The following RRBP1 variants were observed in gnomAD, a reference collection of about 807,000 sequenced individuals.
RRBP1 encodes the protein ribosome binding protein 1, also known as ribosome-binding protein 1.
In RRBP1, 94 loss-of-function variants were observed where a neutral mutation model predicts 165.2. The ratio of observed to expected loss-of-function variants is 0.57; its 90% confidence interval spans 0.48 to 0.68. The LOEUF is 0.68. Ranked by LOEUF, RRBP1 falls within the 30% of genes least tolerant of loss-of-function variation. The pLI is 0.00. For missense variants in RRBP1, 1,676 were observed against 1,763.0 expected, an observed-to-expected ratio of 0.95 and a Z score of 0.88; for synonymous variants, 680 against 714.5, an observed-to-expected ratio of 0.95 and a Z score of 0.77.
intron 3 of RRBP1, among the ~76,000 whole-genome samples, chr20:17,651,646 C>A (rs1052188713): frequency 2.0e-5 from 3 of 152,172 alleles, no homozygotes; most frequent in Admixed American, 2.0e-4. Flanking sequence ...TGAATTTACC[C>A]CCCCGCCCCT....
At position 17,627,521 on chromosome 20, in the gene RRBP1, C is replaced by A; in HGVS notation, c.2911G>T (p.Asp971Tyr). 6.2e-7 allele frequency: 1 copy of A among 1,611,142 alleles called. No individual in the cohort carries two copies. The highest frequency in any genetic ancestry group is 1.1e-5 in the South Asian group (1 of 90,696). Residue 971 changes from aspartate to tyrosine, a missense_variant, in exon 10 of 25, where the codon GAT becomes TAT. By Grantham distance (160) the Asp-to-Tyr change is radical (BLOSUM62 -3). Transcript: ENST00000377813. ...AGGCTGACCTGGACGTCCTGGGCAT[C>A]CCGCGCCTGGCCCGCCTCCAGCAGG... ...EALLEAGQAR[D>Y]AQDVQASQAE...
intron 7 of RRBP1, among the ~76,000 whole-genome samples, chr20:17,635,107 G>A (rs1263176232): frequency 1.3e-5 from 2 of 152,138 alleles, no homozygotes; most frequent in African/African-American, 2.4e-5. Context: ...TGCCACTGAG[G>A]GTGTAATGCT....
Position 17,629,891 on chromosome 20 carries a change from G to A in RRBP1, c.2681C>T (p.Thr894Met), listed in dbSNP as rs369439106. The change falls in exon 9 of 25, where the codon ACG (threonine) becomes ATG (methionine). Residue 894 changes from threonine to methionine, a missense_variant. By Grantham distance (81) the Thr-to-Met change is moderately conservative (BLOSUM62 -1). Transcript: ENST00000377813. ...LDEVSRELCHTQSSHASLRAD... is the reference protein window; with the variant it reads ...LDEVSRELCHMQSSHASLRAD... Reference sequence around the variant, plus strand: ...CCGGAGGCTGGCGTGGCTGCTCTGCGTGTGGCACAGCTCCCGGCTGACCTC... The same window carrying A: ...CCGGAGGCTGGCGTGGCTGCTCTGCATGTGGCACAGCTCCCGGCTGACCTC... 2.5e-5 allele frequency: 40 copies of A among 1,600,362 alleles called. No individual in the cohort carries two copies. The African/African-American group carries it at 2.9e-4, about 12-fold the overall frequency.
chr20:17,663,101 T>C (rs375133975), intron 2 of RRBP1, among the ~76,000 whole-genome samples: 1 of 152,320 alleles, frequency 6.6e-6, no homozygotes, highest in African/African-American at 2.4e-5. Flanking sequence ...TGAGGCTCCA[T>C]AAACCCCGAA....
chr20:17,630,564 A>G (rs1194591879), intron 8 of RRBP1, among the ~76,000 whole-genome samples: 1 of 152,230 alleles, frequency 6.6e-6, no homozygotes, highest in African/African-American at 2.4e-5. Context: ...ACCCTTGTTT[A>G]GGAGCCACAC....
Position 17,635,605 on chromosome 20 carries a change from C to G in RRBP1, c.2397G>C (p.Gln799His). 2 of 1,613,522 alleles carry G rather than the reference C, an allele frequency of 1.2e-6. No individual in the cohort carries two copies. Among genetic ancestry groups the G allele is most frequent in the South Asian group, 2.2e-5 (2 of 91,002 alleles). ...CATCCCGCAGGATGGAGTTCTCCTG[C>G]TGCAGGCGGGCCAGCTGCGTGTTGG... ...NGPNTQLARL[Q>H]QENSILRDAL... is the part of the protein sequence containing the mutation. Residue 799 changes from glutamine to histidine, a missense_variant, in exon 7 of 25, where the codon CAG becomes CAC. Physicochemically the swap from Gln to His is conservative, Grantham distance 24 (BLOSUM62 0). Transcript: ENST00000377813.
rs760637299 is a variant in RRBP1, at chr20:17,628,984, C to T, written c.2749+839G>A. On this transcript the variant is annotated intron_variant, in intron 9 of 24. Transcript: ENST00000377813. ...AGAAGCATTCACCATCCATCCCCGA[C>T]AGAAACAGTTCACCCGGTGTTAACG... is the stretch of plus-strand genomic sequence containing the variant. 6.6e-5 allele frequency among the ~76,000 whole-genome samples: 10 copies of T among 151,970 alleles called. No homozygotes were observed. In the South Asian group the frequency reaches 2.1e-3, roughly 31 times the overall value.
Position 17,615,576 on chromosome 20 carries a change from G to C in RRBP1, c.3952-47C>G, listed in dbSNP as rs1319470712. ...GTCTGGGTGAGACGTCTTATAAACG[G>C]CTGTGCTGTCAAGACCCTACCGAGC... On this transcript the variant is annotated intron_variant, in intron 22 of 24. Coordinates refer to ENST00000377813, the MANE Select transcript of RRBP1 (RefSeq NM_001365613.2). The C allele has an allele frequency of 2.7e-6, 4 of 1,497,526 alleles. No homozygotes were observed. In the South Asian group the frequency reaches 5.0e-5, roughly 19 times the overall value. The allele number at this position is 1,497,526 out of a possible 1,614,324, so 92.8% of individuals were successfully genotyped here.
At chr20:17,675,764 C>T (rs888113321) in intron 2 of RRBP1, among the ~76,000 whole-genome samples, 6 of 152,192 alleles carry the variant, frequency 3.9e-5, no homozygotes, top group African/African-American at 7.2e-5. Context: ...GAAGCTAGAG[C>T]GAAAGTGCCC....
intron 3 of RRBP1, among the ~76,000 whole-genome samples, chr20:17,652,608 C>T (rs2036578213): frequency 6.6e-6 from 1 of 152,176 alleles, no homozygotes; most frequent in African/African-American, 2.4e-5. Flanking sequence ...TGCCCAGGGC[C>T]AGTCAGCCCA....
intron 7 of RRBP1, among the ~76,000 whole-genome samples, chr20:17,635,287 AGCAAGGGTGTTGCAGAGCAGGAGGCTGT>A (rs2122328826): frequency 6.6e-6 from 1 of 152,320 alleles, no homozygotes; most frequent in South Asian, 2.1e-4. Context: ...GTGCATCTGA[AGCAAGGGTGTTGCAGAGCAGGAGGCTGT>A]GCTCCAGGGC....
intron 2 of RRBP1, among the ~76,000 whole-genome samples, chr20:17,676,135 C>T (rs1948497747): frequency 6.6e-6 from 1 of 152,176 alleles, no homozygotes; most frequent in Admixed American, 6.5e-5. Context: ...ACTGAGCCTG[C>T]AATGTTGTAA....
chr20:17,632,525 TTC>T (rs753432055), intron 8 of RRBP1, among the ~76,000 whole-genome samples: 4 of 152,242 alleles, frequency 2.6e-5, no homozygotes, highest in Non-Finnish European at 5.9e-5. Context: ...TTTGTCCATG[TTC>T]TCTTTTAGTC....
At chr20:17,646,555 G>A (rs192392078) in intron 3 of RRBP1, among the ~76,000 whole-genome samples, 5 of 152,268 alleles carry the variant, frequency 3.3e-5, no homozygotes, top group Admixed American at 6.5e-5. Flanking sequence ...CCCTCACAGC[G>A]TGGCTGAAAA....
intron 13 of RRBP1, 121 bp downstream of exon 13, chr20:17,624,433 TTCCTAGTGCCTCTGTATGTCTG>T: frequency 4.6e-6 from 3 of 654,372 alleles, no homozygotes; most frequent in Admixed American, 2.2e-5. Context: ...CTTCTATGCG[TTCCTAGTGCCTCTGTATGTCTG>T]TCCTAGTGCA....
chr20:17,631,119 C>A (rs2036142616), intron 8 of RRBP1, among the ~76,000 whole-genome samples: 1 of 152,230 alleles, frequency 6.6e-6, no homozygotes, highest in African/African-American at 2.4e-5. Context: ...AGTTCCAACT[C>A]CTAGGGAGGA....
intron 5 of RRBP1, 123 bp from the exon 6 acceptor site, chr20:17,636,852 G>A: frequency 1.2e-5 from 15 of 1,238,388 alleles, no homozygotes; most frequent in Non-Finnish European, 1.7e-5. Context: ...CCTCCTGCTG[G>A]CCGGGTTCTC....
chr20:17,652,943 G>A (rs923471677), intron 3 of RRBP1, among the ~76,000 whole-genome samples: 1 of 152,244 alleles, frequency 6.6e-6, no homozygotes, highest in Non-Finnish European at 1.5e-5. Context: ...GAAAACCCAT[G>A]CTGTGGACTC....
At chr20:17,662,672 C>T (rs1019911837) in intron 2 of RRBP1, among the ~76,000 whole-genome samples, 1 of 152,284 alleles carries the variant, frequency 6.6e-6, no homozygotes, top group East Asian at 1.9e-4. Context: ...TCCGAGAACA[C>T]ACTCTCAAGC....
Sources: allele counts gnomAD v4.1 joint callset (sites outside exome capture counted in the v4.1 genomes callset), GRCh38; gene constraint gnomAD v4.1.1; transcripts MANE v1.5; gene names NCBI Gene and HGNC (gene_info 2026-07-23, HGNC 2026-07-21).